CTTN: variants seen among roughly 807,000 people sequenced by gnomAD.
The protein encoded by CTTN is src substrate cortactin.
A neutral mutation model predicts 84.0 loss-of-function variants in CTTN; 28 were observed. The ratio of observed to expected loss-of-function variants is 0.33; its 90% CI spans 0.25 to 0.46. The LOEUF is 0.46. Ranked by LOEUF, CTTN falls within the 20% of genes least tolerant of loss-of-function variation. The pLI is 1.00. For missense variants in CTTN, 641 were observed against 723.8 expected (o/e 0.89, Z 1.31); for synonymous variants, 301 against 288.8 (o/e 1.04, Z -0.43).
chr11:70,431,000 G>A (rs547596010), intron 14 of CTTN, among the ~76,000 whole-genome samples, 191 bp from the exon 15 acceptor site: 12 of 151,636 alleles, frequency 7.9e-5, no homozygotes, highest in Non-Finnish European at 1.6e-4. Flanking sequence ...CAGCTCCCCT[G>A]CCCCTCGGAT....
chr11:70,407,544 A>G lies in CTTN; in HGVS notation c.114A>G (p.Arg38=). ...ATGATGTGAGTGAGAAGGAGCAAAG[A>G]TGGGGTGCCAAGACGGTGCAGGGCT... ...FVNDVSEKEQ[R]WGAKTVQGSG... The change falls in exon 4 of 18, where the codon AGA becomes AGG. Residue 38 remains arginine, a synonymous_variant. Coordinates refer to ENST00000301843, the MANE Select transcript of CTTN (RefSeq NM_005231.4). The G allele has an allele frequency of 6.2e-7, 1 of 1,614,014 alleles. No individual in the cohort carries two copies. Among genetic ancestry groups the G allele is most frequent in the Non-Finnish European group, 8.5e-7 (1 of 1,180,028 alleles).
intron 8 of CTTN, among the ~76,000 whole-genome samples, chr11:70,417,523 T>C (rs914972175): frequency 2.0e-5 from 3 of 149,958 alleles, no homozygotes; most frequent in African/African-American, 7.4e-5. Context: ...TTAGACGGAG[T>C]CTCGCTCCGT....
chr11:70,419,179 C>T (rs1269338086), intron 8 of CTTN, among the ~76,000 whole-genome samples: 4 of 150,512 alleles, frequency 2.7e-5, no homozygotes, highest in Admixed American at 1.3e-4. Flanking sequence ...GGCGCAATCT[C>T]GGCTCACTGC....
At position 70,436,355 on chromosome 11, in the gene CTTN, T is replaced by G; in HGVS notation, c.*1193T>G. On this transcript the variant is annotated 3_prime_UTR_variant, in exon 18 of 18. Coordinates refer to ENST00000301843, the MANE Select transcript of CTTN (RefSeq NM_005231.4). ...GTGCAGTCAGGTGGGCGGTGTGTCTTTCCAGAAGGTCACGTGGAAATGTCT... is the reference window on the plus strand; with the variant it reads ...GTGCAGTCAGGTGGGCGGTGTGTCTGTCCAGAAGGTCACGTGGAAATGTCT... 1.3e-6 allele frequency: 2 copies of G among 1,598,290 alleles called. No individual in the cohort carries two copies. Among genetic ancestry groups the G allele is most frequent in the Non-Finnish European group, 1.7e-6 (2 of 1,179,788 alleles).
chr11:70,435,199 C>T lies in CTTN; in HGVS notation c.*37C>T, dbSNP rs931433021. 3 of 1,573,222 alleles carry T rather than the reference C, an allele frequency of 1.9e-6. No individual in the cohort carries two copies. The highest frequency in any genetic ancestry group is 2.3e-5 in the South Asian group (2 of 86,574). On this transcript the variant is annotated 3_prime_UTR_variant, in exon 18 of 18. Coordinates refer to ENST00000301843, the MANE Select transcript of CTTN (RefSeq NM_005231.4). ...CCCCCCCGGAGCTGCGCCCTGGATC[C>T]TCACACTACAGATCAGGCCTTCTTT... is the stretch of plus-strand genomic sequence containing the variant.
intron 12 of CTTN, 90 bp from the exon 13 acceptor site, chr11:70,425,242 G>A (rs932863353): frequency 5.9e-6 from 6 of 1,010,528 alleles, no homozygotes; most frequent in African/African-American, 4.8e-5. Flanking sequence ...GGGAAGATCT[G>A]GGGAAGGCAT....
intron 13 of CTTN, 121 bp downstream of exon 13, chr11:70,425,522 G>A (rs116772264): frequency 5.2e-4 from 365 of 705,368 alleles, no homozygotes; most frequent in African/African-American, 3.5e-3. Flanking sequence ...TTGTTGCTGC[G>A]TATTTTTGGG....
chr11:70,425,037 G>A (rs943216275), intron 12 of CTTN, among the ~76,000 whole-genome samples: 4 of 152,202 alleles, frequency 2.6e-5, no homozygotes, highest in Admixed American at 6.5e-5. Context: ...TCTGGGTGGC[G>A]ACGGAGGGTG....
chr11:70,414,109 G>T (rs2058127926), intron 5 of CTTN, among the ~76,000 whole-genome samples: 2 of 152,032 alleles, frequency 1.3e-5, no homozygotes, highest in Admixed American at 1.3e-4. Context: ...ACTTTGGGAG[G>T]CCGAGGCGGG....
chr11:70,433,023 G>A (rs1387561064), intron 15 of CTTN, 78 bp from the exon 16 acceptor site: 5 of 1,459,992 alleles, frequency 3.4e-6, no homozygotes, highest in Non-Finnish European at 4.7e-6. Flanking sequence ...GTGGGTTTCT[G>A]CTGGCTGTGG....
intron 1 of CTTN, among the ~76,000 whole-genome samples, chr11:70,401,550 A>G (rs1260137233): frequency 1.3e-5 from 2 of 152,008 alleles, no homozygotes; most frequent in Non-Finnish European, 2.9e-5. Context: ...CAGGAGGGTG[A>G]GGCAGGAGAA....
chr11:70,399,509 C>T (rs967419192), intron 1 of CTTN, among the ~76,000 whole-genome samples: 3 of 152,146 alleles, frequency 2.0e-5, no homozygotes, highest in South Asian at 4.2e-4. Flanking sequence ...GCAATCAGGT[C>T]AGTGGAGGCA....
At position 70,435,467 on chromosome 11, in the gene CTTN, T is replaced by C; in HGVS notation, c.*305T>C. The C allele has an allele frequency of 1.3e-6, 2 of 1,545,104 alleles. No homozygotes were observed. The highest frequency in any genetic ancestry group is 1.2e-5 in the South Asian group (1 of 84,376). Reference sequence around the variant, plus strand: ...GCCAAATTGACTGTCACGCGGCAGCTTCAGGGAGCTCGCATTCTCTTGTGT... The same window carrying C: ...GCCAAATTGACTGTCACGCGGCAGCCTCAGGGAGCTCGCATTCTCTTGTGT... On this transcript the variant is annotated 3_prime_UTR_variant, in exon 18 of 18. Coordinates refer to ENST00000301843, the MANE Select transcript of CTTN (RefSeq NM_005231.4).
chr11:70,415,739 A>G (rs2058150603), intron 7 of CTTN, 22 bp downstream of exon 7: 1 of 1,613,518 alleles, frequency 6.2e-7, no homozygotes. Context: ...AAGGTGCAGA[A>G]AGAGCCCGCT....
chr11:70,428,677 C>T (rs1054859825), intron 13 of CTTN, among the ~76,000 whole-genome samples: 1 of 152,222 alleles, frequency 6.6e-6, no homozygotes, highest in Admixed American at 6.5e-5. Context: ...ATTTACTATA[C>T]TCAGTATACG....
chr11:70,404,387 C>T (rs2058020268), intron 1 of CTTN, among the ~76,000 whole-genome samples: 1 of 152,090 alleles, frequency 6.6e-6, no homozygotes, highest in Admixed American at 6.6e-5. Flanking sequence ...TGCTTGGCCA[C>T]CCTCTGGGGA....
chr11:70,423,795 C>G (rs964675477), intron 12 of CTTN, among the ~76,000 whole-genome samples: 1 of 152,224 alleles, frequency 6.6e-6, no homozygotes, highest in Non-Finnish European at 1.5e-5. Context: ...TGACATGCGT[C>G]ACACACCACA....
rs550411058 is a variant in CTTN at position 70,402,614 on chromosome 11, T to C, written c.-97-2651T>C. On this transcript the variant is annotated intron_variant, in intron 1 of 17. Coordinates refer to ENST00000301843, the MANE Select transcript of CTTN (RefSeq NM_005231.4). ...TGTGGTCTTTTGTGCGTGGTTTTCCTTTGCGCAATGGATTTGAGGTCCCTC... is the reference window on the plus strand; with the variant it reads ...TGTGGTCTTTTGTGCGTGGTTTTCCCTTGCGCAATGGATTTGAGGTCCCTC... 4.6e-5 allele frequency among the ~76,000 whole-genome samples: 7 copies of C among 152,348 alleles called. No individual in the cohort carries two copies. In the South Asian group the frequency reaches 1.2e-3, roughly 27 times the overall value.
chr11:70,401,113 T>C (rs1008264671), intron 1 of CTTN, among the ~76,000 whole-genome samples: 8 of 151,910 alleles, frequency 5.3e-5, no homozygotes, highest in Non-Finnish European at 1.2e-4. Flanking sequence ...GGCAGGTGGA[T>C]TGCTTGAGCC....
Sources: allele counts gnomAD v4.1 joint callset (sites outside exome capture counted in the v4.1 genomes callset), GRCh38; gene constraint gnomAD v4.1.1; transcripts MANE v1.5; gene names NCBI Gene and HGNC (gene_info 2026-07-23, HGNC 2026-07-21).